RNF214: variants seen among roughly 807,000 people sequenced by gnomAD.
The protein encoded by RNF214 is ring finger protein 214.
RNF214 carries 25 observed loss-of-function variants against 75.9 expected under a neutral mutation model. The ratio of observed to expected loss-of-function variants is 0.33; its 90% CI spans 0.24 to 0.46. The LOEUF is 0.46. Among genes scored for constraint, RNF214 ranks in the 20% least tolerant of loss-of-function variants. The pLI, the probability that RNF214 is intolerant of heterozygous loss-of-function variation, is 1.00. For synonymous variants in RNF214, 314 were observed against 308.8 expected (o/e 1.02, Z -0.18); for missense variants, 725 against 857.5 (o/e 0.85, Z 1.93).
intron 6 of RNF214, among the ~76,000 whole-genome samples, chr11:117,270,241 CTTTTTTTT>C (rs57144374): frequency 0.13 from 9,737 of 75,574 alleles, 421 homozygotes; most frequent in African/African-American, 0.2. Context: ...CTTTTCTTTT[CTTTTTTTT>C]TTTTTTTTTT....
At chr11:117,284,041 T>G (rs145708917) in intron 14 of RNF214, among the ~76,000 whole-genome samples, 2 of 152,342 alleles carry the variant, frequency 1.3e-5, no homozygotes, top group African/African-American at 4.8e-5. Flanking sequence ...ATCTCTCAGC[T>G]TTTTACCCCA....
At chr11:117,255,897 CT>C (rs1326451294) in intron 6 of RNF214, among the ~76,000 whole-genome samples, 1 of 152,126 alleles carries the variant, frequency 6.6e-6, no homozygotes, top group East Asian at 1.9e-4. Flanking sequence ...TGTCATTTCC[CT>C]GCTTAAATTT....
chr11:117,257,532 T>C lies in RNF214; in HGVS notation c.959+10584T>C, dbSNP rs140835790. Among the ~76,000 whole-genome samples, 120 of 152,318 alleles carry C rather than the reference T, an allele frequency of 7.9e-4. 2 individuals carry two copies. Among genetic ancestry groups the C allele is most frequent in the African/African-American group, 2.8e-3 (116 of 41,570 alleles). On this transcript the variant is annotated intron_variant, in intron 6 of 14. Transcript: ENST00000300650. ...GGACATTCAAGTACTCAGTAGGTCA[T>C]TGGAAATGAGAGACTTGAATGTAGA...
At chr11:117,278,037 G>A (rs546893948) in intron 6 of RNF214, among the ~76,000 whole-genome samples, 59 of 152,030 alleles carry the variant, frequency 3.9e-4, no homozygotes, top group African/African-American at 1.4e-3. Context: ...GGGCGCAGAG[G>A]CTCACACCTG....
intron 6 of RNF214, among the ~76,000 whole-genome samples, chr11:117,270,936 C>G (rs1307922260): frequency 6.6e-6 from 1 of 150,612 alleles, no homozygotes; most frequent in East Asian, 2.0e-4. Flanking sequence ...TGGCTCTGTC[C>G]CCCAGGCTAG....
In RNF214 at chr11:117,246,868, A is replaced by T. The variant is rs1439957286; in HGVS notation, c.879A>T (p.Ile293=). Residue 293 remains isoleucine, a synonymous_variant, in exon 6 of 15, where the codon ATA becomes ATT. Transcript: ENST00000300650. ...AGCGGGAAGAAACAAAGAAGAAGAT[A>T]GAGAAAGAGAAGAAGGAGTTTTTGC... ...TIKREETKKK[I]EKEKKEFLQK... is the part of the protein sequence containing the mutation. 6.2e-7 allele frequency: 1 copy of T among 1,613,374 alleles called. No individual in the cohort carries two copies. The highest frequency in any genetic ancestry group is 8.5e-7 in the Non-Finnish European group (1 of 1,179,640).
At chr11:117,247,677 C>T (rs1410488847) in intron 6 of RNF214, among the ~76,000 whole-genome samples, 1 of 151,654 alleles carries the variant, frequency 6.6e-6, no homozygotes, top group Non-Finnish European at 1.5e-5. Flanking sequence ...ATGGTGAAAC[C>T]CCATCTCTAC....
At chr11:117,271,174 A>G (rs1015874082) in intron 6 of RNF214, among the ~76,000 whole-genome samples, 3 of 152,198 alleles carry the variant, frequency 2.0e-5, no homozygotes, top group Admixed American at 2.0e-4. Flanking sequence ...TGCTGGGATT[A>G]CAGGTGTGAG....
In RNF214 at chr11:117,237,780, G is replaced by A. The variant is rs545007475; in HGVS notation, c.108-821G>A. The stretch of plus-strand genomic sequence containing the variant: ...GTGTGGGATAAAATTTCTATTGACA[G>A]CTTCAATTTTGGATTCAAAATTGTA... On this transcript the variant is annotated intron_variant, in intron 2 of 14. Transcript: ENST00000300650. Among the ~76,000 whole-genome samples, 137 of 152,246 alleles carry A rather than the reference G, an allele frequency of 9.0e-4. 1 individual carries two copies. Among genetic ancestry groups the A allele is most frequent in the Non-Finnish European group, 1.4e-3 (92 of 68,020 alleles).
intron 1 of RNF214, 170 bp downstream of exon 1, chr11:117,232,896 G>C (rs1300224010): frequency 2.0e-5 from 3 of 149,318 alleles, no homozygotes; most frequent in Admixed American, 6.7e-5. Flanking sequence ...AAGTGGGACG[G>C]GGGGGTGGCT....
chr11:117,251,204 C>T (rs1249298958), intron 6 of RNF214, among the ~76,000 whole-genome samples: 2 of 134,006 alleles, frequency 1.5e-5, no homozygotes, highest in Non-Finnish European at 3.2e-5. Context: ...GGCAGAGGCG[C>T]CCCGCACCTC....
At chr11:117,236,566 C>G (rs2032917617) in intron 2 of RNF214, among the ~76,000 whole-genome samples, 1 of 152,230 alleles carries the variant, frequency 6.6e-6, no homozygotes, top group South Asian at 2.1e-4. Context: ...GCCACCGCAC[C>G]TGGCCGTCCC....
intron 2 of RNF214, among the ~76,000 whole-genome samples, chr11:117,235,067 C>A (rs2032863605): frequency 6.6e-6 from 1 of 152,238 alleles, no homozygotes; most frequent in African/African-American, 2.4e-5. Context: ...ACAACTAATA[C>A]AATGTAAATG....
chr11:117,255,484 C>T lies in RNF214; in HGVS notation c.959+8536C>T, dbSNP rs988497681. Among the ~76,000 whole-genome samples the T allele has an allele frequency of 3.3e-5, 5 of 152,074 alleles. No homozygotes were observed. In the East Asian group the frequency reaches 9.7e-4, roughly 29 times the overall value. On this transcript the variant is annotated intron_variant, in intron 6 of 14. Coordinates refer to ENST00000300650, the MANE Select transcript of RNF214 (RefSeq NM_207343.4). Reference sequence around the variant, plus strand: ...TTTGTTCTTTTTACAATTTCATTGTCAATATTCAATATAATTTCTTGTTTT... The same window carrying T: ...TTTGTTCTTTTTACAATTTCATTGTTAATATTCAATATAATTTCTTGTTTT...
intron 4 of RNF214, among the ~76,000 whole-genome samples, chr11:117,240,384 TAAAAA>T (rs372718608): frequency 3.2e-5 from 2 of 61,722 alleles, no homozygotes; most frequent in African/African-American, 1.5e-4. Context: ...CAAAAAAAAT[TAAAAA>T]AAAAAAAAAA....
chr11:117,258,699 C>T (rs918677720), intron 6 of RNF214, among the ~76,000 whole-genome samples: 3 of 151,784 alleles, frequency 2.0e-5, no homozygotes, highest in Admixed American at 2.0e-4. Context: ...TAATTCAGAC[C>T]CCATCAAGAT....
chr11:117,257,064 G>A (rs1443832455), intron 6 of RNF214, among the ~76,000 whole-genome samples: 5 of 152,184 alleles, frequency 3.3e-5, no homozygotes, highest in Non-Finnish European at 7.3e-5. Flanking sequence ...GCCTGCCGCA[G>A]TGGCTCACAT....
At position 117,239,861 on chromosome 11, in the gene RNF214, G is replaced by C; in HGVS notation, c.678+1G>C. 1.3e-6 allele frequency: 2 copies of C among 1,495,756 alleles called. No homozygotes were observed. Among genetic ancestry groups the C allele is most frequent in the Non-Finnish European group, 1.9e-6 (2 of 1,072,668 alleles). The allele number at this position is 1,495,756 out of a possible 1,614,324, so 92.7% of individuals were successfully genotyped here. ...AGATCAAGATATTGAAAAGAATTTG[G>C]TAAGTATTTAAACTGTCCTTGTTAT... On this transcript the variant is annotated splice_donor_variant, in intron 4 of 14. Transcript: ENST00000300650. LOFTEE classifies it high-confidence loss of function.
At chr11:117,277,836 A>T (rs1030006470) in intron 6 of RNF214, among the ~76,000 whole-genome samples, 1 of 151,750 alleles carries the variant, frequency 6.6e-6, no homozygotes, top group Non-Finnish European at 1.5e-5. Context: ...TTAGCTGCGC[A>T]TGGTGGTGGG....
Sources: allele counts gnomAD v4.1 joint callset (sites outside exome capture counted in the v4.1 genomes callset), GRCh38; gene constraint gnomAD v4.1.1; transcripts MANE v1.5; gene names NCBI Gene and HGNC (gene_info 2026-07-23, HGNC 2026-07-21).